Variants in CLEC1B observed in about 807,000 individuals in gnomAD.
The protein encoded by CLEC1B is C-type lectin domain family 1 member B, also known as C-type lectin-like receptor 2.
Under a neutral mutation model 26.7 loss-of-function variants are expected in CLEC1B, and 26 were observed. The observed-to-expected ratio is 0.97, with a 90% CI of 0.71 to 1.35. The LOEUF (loss-of-function observed/expected upper bound fraction) is 1.35, where lower values mean the gene tolerates loss of function less well. Ranked by LOEUF, CLEC1B falls within the 40% of genes most tolerant of loss-of-function variation. CLEC1B has a pLI of 0.00. For synonymous variants in CLEC1B, 112 were observed against 96.0 expected, an observed-to-expected ratio of 1.17 and a Z score of -0.97; for missense variants, 293 against 282.6, an observed-to-expected ratio of 1.04 and a Z score of -0.26.
intron 1 of CLEC1B, 40 bp from the exon 2 acceptor site, chr12:9,998,420 T>G (rs1180209965): frequency 8.6e-6 from 13 of 1,507,090 alleles, no homozygotes; most frequent in Non-Finnish European, 1.2e-5. Flanking sequence ...GCAGGCAGTA[T>G]GGGTTAGCTA....
At position 9,995,436 on chromosome 12, in the gene CLEC1B, G is replaced by A. The variant is rs1217921325; in HGVS notation, c.439-190C>T. 4 of 560,908 alleles carry A rather than the reference G, an allele frequency of 7.1e-6. No individual in the cohort carries two copies. The Admixed American group carries it at 7.6e-5, about 11-fold the overall frequency. 34.7% of individuals were successfully genotyped at this position (560,908 alleles called of 1,614,324 possible). A position where few individuals can be genotyped will look rare whatever the true frequency, so the allele number is the denominator to read the frequency against. ...TCTGAGAACTTAAAAAAAACTTATA[G>A]GACACAGGTAAAATTGTACACAAAA... On this transcript the variant is annotated intron_variant, in intron 4 of 5. Coordinates refer to ENST00000298527, the MANE Select transcript of CLEC1B (RefSeq NM_016509.4).
chr12:9,999,915 C>T (rs1414875009), upstream of CLEC1B, among the ~76,000 whole-genome samples: 1 of 152,144 alleles, frequency 6.6e-6, no homozygotes, highest in East Asian at 1.9e-4. Context: ...GTTCCTAGCA[C>T]CTTTTCATCA....
chr12:9,998,250 C>T (rs1865098934), intron 2 of CLEC1B, 32 bp downstream of exon 2: 1 of 1,549,810 alleles, frequency 6.5e-7, no homozygotes, highest in Non-Finnish European at 8.9e-7. Context: ...TTACCTTCCT[C>T]CAGTCAAATT....
intron 5 of CLEC1B, 109 bp from the exon 6 acceptor site, chr12:9,993,396 G>GAAAAAAAAA: frequency 3.2e-6 from 1 of 313,054 alleles, no homozygotes; most frequent in Non-Finnish European, 5.0e-6. Flanking sequence ...AGGAAAATAG[G>GAAAAAAAAA]AAAAAAAAAC....
chr12:10,000,880 C>T (rs1216077865), upstream of CLEC1B, among the ~76,000 whole-genome samples: 1 of 152,132 alleles, frequency 6.6e-6, no homozygotes, highest in East Asian at 1.9e-4. Flanking sequence ...CACTGCTTTC[C>T]TTCAGTGTTT....
At chr12:9,995,736 C>A (rs1245341919) in intron 4 of CLEC1B, 2 of 203,456 alleles carry the variant, frequency 9.8e-6, no homozygotes, top group Admixed American at 5.3e-5. Flanking sequence ...TTTATGATGT[C>A]TTTCTCAAAA....
intron 5 of CLEC1B, 170 bp from the exon 6 acceptor site, chr12:9,993,457 T>C: frequency 1.6e-6 from 1 of 628,408 alleles, no homozygotes; most frequent in South Asian, 1.9e-5. Flanking sequence ...TGCTTGGCAG[T>C]ACAAGATATG....
chr12:9,997,654 A>G (rs1865085939), intron 2 of CLEC1B, among the ~76,000 whole-genome samples: 1 of 152,214 alleles, frequency 6.6e-6, no homozygotes, highest in South Asian at 2.1e-4. Flanking sequence ...TCATTTAAAA[A>G]TACATACTGA....
intron 5 of CLEC1B, 134 bp from the exon 6 acceptor site, chr12:9,993,421 T>C: frequency 1.4e-6 from 1 of 712,982 alleles, no homozygotes; most frequent in Non-Finnish European, 2.3e-6. Flanking sequence ...AAAAAAACGA[T>C]TCTCATTGTT....
intron 4 of CLEC1B, chr12:9,996,643 T>G: frequency 1.5e-6 from 1 of 683,138 alleles, no homozygotes. Flanking sequence ...TCAATTTGAC[T>G]GATCAACTCT....
At chr12:10,000,237 G>A (rs1865141857), upstream of CLEC1B, among the ~76,000 whole-genome samples, 1 of 152,198 alleles carries the variant, frequency 6.6e-6, no homozygotes, top group Non-Finnish European at 1.5e-5. Flanking sequence ...GATTATGTGG[G>A]CTGCAGTAGC....
At position 9,995,146 on chromosome 12, in the gene CLEC1B, T is replaced by C; in HGVS notation, c.539A>G (p.Glu180Gly). Residue 180 changes from glutamate (E) to glycine (G), a missense_variant, in exon 5 of 6, where the codon GAA (glutamate) becomes GGA (glycine). Transcript: ENST00000298527. The part of the protein sequence containing the change: ...WKWEDGSVIS[E>G]NMFEFLEDGK... ...TAAGTGTCCAGTGACTTACATATTT[T>C]CTGAGATAACCGAGCCATCCTCCCA... is the stretch of plus-strand genomic sequence containing the variant. 1 of 1,612,628 alleles carries C rather than the reference T, an allele frequency of 6.2e-7. No homozygotes were observed.
chr12:9,998,643 T>TG (rs1865111802), intron 1 of CLEC1B, among the ~76,000 whole-genome samples: 1 of 63,836 alleles, frequency 1.6e-5, no homozygotes, highest in Non-Finnish European at 3.2e-5. Context: ...TGTGTTTGTA[T>TG]TTTTTGTTTT....
Position 9,996,960 on chromosome 12 carries a change from A to T in CLEC1B, c.324T>A (p.Tyr108Ter). The T allele has an allele frequency of 6.2e-7, 1 of 1,614,120 alleles. No homozygotes were observed. The highest frequency in any genetic ancestry group is 8.5e-7 in the Non-Finnish European group (1 of 1,180,004). ...AGAACCCATAGCAGCTATCTCCATA[A>T]TATCTCCAGTTTGTGTCACAGGGGC... ...KCSPCDTNWR[Y>*]YGDSCYGFFR... Residue 108 changes from tyrosine (Y) to a stop codon, truncating the protein, a stop_gained, in exon 4 of 6, where the codon TAT becomes TAA. Transcript: ENST00000298527. LOFTEE classifies it high-confidence loss of function.
chr12:10,000,467 T>C (rs911065403), upstream of CLEC1B, among the ~76,000 whole-genome samples: 5 of 152,146 alleles, frequency 3.3e-5, no homozygotes, highest in African/African-American at 4.8e-5. Context: ...CTTAGTATGA[T>C]TCAAATATTT....
Position 9,995,247 on chromosome 12 carries a change from C to T in CLEC1B, c.439-1G>A. On this transcript the variant is annotated splice_acceptor_variant, in intron 4 of 5. Coordinates refer to ENST00000298527, the MANE Select transcript of CLEC1B (RefSeq NM_016509.4). LOFTEE classifies it high-confidence loss of function. ...AATGAGTCCTGGCTTTGATGTACTC[C>T]TATTGTAAACATAAATAAACACAAT... The T allele has an allele frequency of 1.2e-6, 2 of 1,609,114 alleles. No homozygotes were observed. Among genetic ancestry groups the T allele is most frequent in the Non-Finnish European group, 1.7e-6 (2 of 1,175,800 alleles).
intron 2 of CLEC1B, among the ~76,000 whole-genome samples, chr12:9,997,529 A>T (rs921830315): frequency 2.0e-5 from 3 of 152,156 alleles, no homozygotes; most frequent in Non-Finnish European, 4.4e-5. Flanking sequence ...AAATCCCAAC[A>T]TCGATAACAT....
chr12:9,996,754 A>T, intron 4 of CLEC1B, 92 bp downstream of exon 4: 1 of 1,310,852 alleles, frequency 7.6e-7, no homozygotes, highest in Non-Finnish European at 1.1e-6. Context: ...GAAAGATGTT[A>T]AGAAAAATGT....
upstream of CLEC1B, among the ~76,000 whole-genome samples, chr12:10,001,682 T>C (rs1173095966): frequency 6.6e-6 from 1 of 152,200 alleles, no homozygotes; most frequent in African/African-American, 2.4e-5. Flanking sequence ...AGCAGAGAAC[T>C]GCAGGAAAGA....
Sources: gnomAD v4.1 joint callset for allele counts (sites outside exome capture counted in the v4.1 genomes callset) on GRCh38, gnomAD v4.1.1 for gene constraint, MANE v1.5 for transcripts, NCBI Gene and HGNC (gene_info 2026-07-23, HGNC 2026-07-21) for gene names.